Variants in SPPL2B observed in about 807,000 individuals in gnomAD.
SPPL2B encodes the protein signal peptide peptidase like 2B, also known as signal peptide peptidase-like 2B.
Under a neutral mutation model 59.7 loss-of-function variants are expected in SPPL2B, and 39 were observed. The ratio of observed to expected loss-of-function variants is 0.65; its 90% CI spans 0.51 to 0.85. SPPL2B has a LOEUF of 0.85. SPPL2B is among the 40% of genes least tolerant of loss of function. The pLI is 0.00. For missense variants in SPPL2B, 865 were observed against 849.0 expected (o/e 1.02, Z -0.23); for synonymous variants, 419 against 370.8 (o/e 1.13, Z -1.49).
Position 2,338,573 on chromosome 19 carries a change from G to C in SPPL2B, c.370-179G>C, listed in dbSNP as rs542261591. 139 of 569,680 alleles carry C rather than the reference G, an allele frequency of 2.4e-4. 1 individual carries two copies. The East Asian group carries it at 3.9e-3, about 16-fold the overall frequency. The allele number at this position is 569,680 out of a possible 1,614,324, so 35.3% of individuals were successfully genotyped here. The stretch of plus-strand genomic sequence containing the variant: ...AGGCTTGATGCCCTTCGGCCTCCCT[G>C]TTCTTGGGTCCTCCTGGGGGGCCGG... On this transcript the variant is annotated intron_variant, in intron 3 of 14. Transcript: ENST00000613503.
At chr19:2,329,754 C>A (rs1238455383) in intron 1 of SPPL2B, among the ~76,000 whole-genome samples, 1 of 152,200 alleles carries the variant, frequency 6.6e-6, no homozygotes, top group African/African-American at 2.4e-5. Context: ...CAGGGGTGAC[C>A]CTTTCAAAGT....
At chr19:2,336,898 G>GTGT (rs1968669821) in intron 2 of SPPL2B, among the ~76,000 whole-genome samples, 26 of 124,346 alleles carry the variant, frequency 2.1e-4, no homozygotes, top group Non-Finnish European at 3.1e-4. Flanking sequence ...TCTGGCTGTG[G>GTGT]GTGTGTGTGT....
chr19:2,350,762 G>A (rs973926414), intron 13 of SPPL2B, among the ~76,000 whole-genome samples: 3 of 152,374 alleles, frequency 2.0e-5, no homozygotes, highest in South Asian at 2.1e-4. Flanking sequence ...TTGGCAGGAC[G>A]CGGGTGGGTT....
chr19:2,330,732 T>G (rs1254174208), intron 1 of SPPL2B: 1 of 152,400 alleles, frequency 6.6e-6, no homozygotes, highest in Non-Finnish European at 1.5e-5. Flanking sequence ...GCATTCAGCC[T>G]CCTAGTCTGG....
rs1968607041 is a variant in SPPL2B at position 2,336,280 on chromosome 19, GTGTGTCTGTA to G, written c.187-1157_187-1148del. On this transcript the variant is annotated intron_variant, in intron 2 of 14. Coordinates refer to ENST00000613503, the MANE Select transcript of SPPL2B (RefSeq NM_152988.3). ...TTTGTGTATGGATGTGTGAGTGCATGTGTGTCTGTATGTGTGCAGGTGTGTGTAAGCATGT... is the reference window on the plus strand; with the variant it reads ...TTTGTGTATGGATGTGTGAGTGCATGTGTGTGCAGGTGTGTGTAAGCATGT... Among the ~76,000 whole-genome samples the G allele has an allele frequency of 5.1e-4, 5 of 9,758 alleles. No homozygotes were observed. The African/African-American group carries it at 5.4e-3, about 11-fold the overall frequency. The allele number at this position is 9,758 out of a possible 152,430, so 6.4% of individuals were successfully genotyped here. A position where few individuals can be genotyped will look rare whatever the true frequency, so the allele number is the denominator to read the frequency against.
chr19:2,351,345 C>A, intron 13 of SPPL2B, 89 bp from the exon 14 acceptor site: 1 of 1,152,178 alleles, frequency 8.7e-7, no homozygotes, highest in Non-Finnish European at 1.2e-6. Flanking sequence ...CTGCCCTCCA[C>A]CAACCCCAGC....
intron 7 of SPPL2B, 97 bp downstream of exon 7, chr19:2,340,269 C>G (rs1358827140): frequency 1.1e-5 from 11 of 977,058 alleles, no homozygotes; most frequent in Middle Eastern, 3.2e-4. Context: ...CAATATTGCT[C>G]AGAGTCTACA....
rs905563198 is a variant in SPPL2B at position 2,335,664 on chromosome 19, A to G, written c.186+943A>G. Among the ~76,000 whole-genome samples the G allele has an allele frequency of 3.6e-5, 5 of 138,956 alleles. No individual in the cohort carries two copies. The Admixed American group carries it at 3.6e-4, about 10-fold the overall frequency. 91.2% of individuals were successfully genotyped at this position (138,956 alleles called of 152,430 possible). On this transcript the variant is annotated intron_variant, in intron 2 of 14. Transcript: ENST00000613503. ...CGCCTCCTTTCCCACCCCATCCCTC[A>G]GGCCCTGCCTCCTTTCCCACCGTAT... is the stretch of plus-strand genomic sequence containing the variant.
intron 3 of SPPL2B, chr19:2,338,480 G>C: frequency 5.0e-6 from 2 of 401,974 alleles, no homozygotes; most frequent in Non-Finnish European, 9.1e-6. Context: ...TGTGCGGTTC[G>C]GGAGTCCCAC....
At position 2,336,806 on chromosome 19, in the gene SPPL2B, TGC is replaced by T. The variant is rs1308628533; in HGVS notation, c.187-632_187-631del. ...GCCTGGCTGTGGGTGTGTGTGTGTG[TGC>T]GCGCTGGCCTGGCTGCGGCTATGTG... On this transcript the variant is annotated intron_variant, in intron 2 of 14. Coordinates refer to ENST00000613503, the MANE Select transcript of SPPL2B (RefSeq NM_152988.3). Among the ~76,000 whole-genome samples the T allele has an allele frequency of 1.7e-3, 212 of 124,644 alleles. 3 individuals carry two copies. The highest frequency in any genetic ancestry group is 5.0e-3 in the African/African-American group (183 of 36,900). The allele number at this position is 124,644 out of a possible 152,430, so 81.8% of individuals were successfully genotyped here.
intron 1 of SPPL2B, 142 bp downstream of exon 1, chr19:2,328,917 G>C: frequency 1.4e-6 from 1 of 712,370 alleles, no homozygotes; most frequent in Non-Finnish European, 2.0e-6. Context: ...GTTGTCGGCC[G>C]GCGGTGCCGG....
In SPPL2B at chr19:2,354,684, G is replaced by C. The variant is rs1385107602; in HGVS notation, c.*1475G>C. 2.0e-5 allele frequency: 3 copies of C among 152,206 alleles called. No individual in the cohort carries two copies. The highest frequency in any genetic ancestry group is 7.2e-5 in the African/African-American group (3 of 41,446). The allele number at this position is 152,206 out of a possible 1,614,324, so 9.4% of individuals were successfully genotyped here. On this transcript the variant is annotated 3_prime_UTR_variant, in exon 15 of 15. Coordinates refer to ENST00000613503, the MANE Select transcript of SPPL2B (RefSeq NM_152988.3). Reference sequence around the variant, plus strand: ...GACGGGGTGGGGACGTCTCTTTTTTGGTGTTGGACGTTTGACCAGTGGGGA... The same window carrying C: ...GACGGGGTGGGGACGTCTCTTTTTTCGTGTTGGACGTTTGACCAGTGGGGA...
At chr19:2,340,342 G>A (rs1025423280) in intron 7 of SPPL2B, among the ~76,000 whole-genome samples, 170 bp downstream of exon 7, 2 of 152,116 alleles carry the variant, frequency 1.3e-5, no homozygotes, top group African/African-American at 4.8e-5. Flanking sequence ...GAGTCTGGGC[G>A]AGCTATCAAT....
intron 10 of SPPL2B, 39 bp downstream of exon 10, chr19:2,344,078 G>GCCC: frequency 7.8e-7 from 1 of 1,283,606 alleles, no homozygotes; most frequent in Non-Finnish European, 1.0e-6. Context: ...CCATCACCCC[G>GCCC]CTCCCCCGCC....
intron 13 of SPPL2B, among the ~76,000 whole-genome samples, chr19:2,348,725 C>G (rs1480786252): frequency 2.8e-5 from 4 of 144,054 alleles, no homozygotes; most frequent in Non-Finnish European, 3.1e-5. Flanking sequence ...CACTCACGCT[C>G]TCATTCGCTT....
At chr19:2,343,501 C>G (rs769629360) in intron 9 of SPPL2B, among the ~76,000 whole-genome samples, 53 of 152,282 alleles carry the variant, frequency 3.5e-4, no homozygotes, top group Admixed American at 1.1e-3. Context: ...GGCTGCGGGG[C>G]GGTTCCCGGC....
rs375823453 is a variant in SPPL2B, at chr19:2,341,256, T to C, written c.956+242T>C. On this transcript the variant is annotated intron_variant, in intron 8 of 14. Transcript: ENST00000613503. ...ATCCGGGAGGAGAGGCCGGAGCCCC[T>C]GTGGCCAGGAGCCACGTCCTCCAGC... 120 of 666,828 alleles carry C rather than the reference T, an allele frequency of 1.8e-4. No individual in the cohort carries two copies. In the East Asian group the frequency reaches 2.9e-3, roughly 16 times the overall value. The allele number at this position is 666,828 out of a possible 1,614,324, so 41.3% of individuals were successfully genotyped here.
At position 2,328,769 on chromosome 19, in the gene SPPL2B, G is replaced by A. The variant is rs1968119640; in HGVS notation, c.60G>A (p.Ala20=). The change falls in exon 1 of 15, where the codon GCG becomes GCA. Residue 20 remains alanine (A), a synonymous_variant. Coordinates refer to ENST00000613503, the MANE Select transcript of SPPL2B (RefSeq NM_152988.3). Reference sequence around the variant, plus strand: ...TTTTGGCGGCCTTTCTGCTCCTCGCGGCCCAGGTGAGCGCGGCACCGGTCC... The same window carrying A: ...TTTTGGCGGCCTTTCTGCTCCTCGCAGCCCAGGTGAGCGCGGCACCGGTCC... ...ARLLAAFLLL[A]AQVACEYGMV... The A allele has an allele frequency of 2.8e-6, 4 of 1,451,620 alleles. No homozygotes were observed. Among genetic ancestry groups the A allele is most frequent in the African/African-American group, 1.5e-5 (1 of 66,822 alleles). 89.9% of individuals were successfully genotyped at this position (1,451,620 alleles called of 1,614,324 possible). A position where few individuals can be genotyped will look rare whatever the true frequency, so the allele number is the denominator to read the frequency against.
At chr19:2,337,757 T>C (rs1229922858) in intron 3 of SPPL2B, 132 bp downstream of exon 3, 2 of 938,670 alleles carry the variant, frequency 2.1e-6, no homozygotes, top group Non-Finnish European at 3.0e-6. Flanking sequence ...GGGGAGGATC[T>C]GGGCCGAGTG....
Sources: allele counts gnomAD v4.1 joint callset (sites outside exome capture counted in the v4.1 genomes callset), GRCh38; gene constraint gnomAD v4.1.1; transcripts MANE v1.5; gene names NCBI Gene and HGNC (gene_info 2026-07-23, HGNC 2026-07-21).